Variants in ZNG1A observed in about 807,000 individuals in gnomAD.
ZNG1A encodes zinc-regulated GTPase metalloprotein activator 1A.
chr9:155,865 G>A, the ZNG1A span, among the ~76,000 whole-genome samples: 1 of 149,886 alleles, frequency 6.7e-6, no homozygotes, highest in Non-Finnish European at 1.5e-5. Context: ...AGCACTTTGG[G>A]AGGCCGAGGC....
chr9:145,522 G>A, the ZNG1A span, among the ~76,000 whole-genome samples: 3 of 132,824 alleles, frequency 2.3e-5, no homozygotes, highest in African/African-American at 8.5e-5. Context: ...CACAGGAAGG[G>A]GAACATCACA....
At chr9:135,474 A>G in the ZNG1A span, among the ~76,000 whole-genome samples, 1 of 93,364 alleles carries the variant, frequency 1.1e-5, no homozygotes, top group African/African-American at 5.8e-5. Context: ...TCCTTTATCA[A>G]TGTTTTCCCT....
chr9:177,756 GT>G, the ZNG1A span: 5 of 1,538,254 alleles, frequency 3.3e-6, no homozygotes, highest in African/African-American at 7.0e-5. Context: ...CGAGCGGCAC[GT>G]TTGAAATACA....
the ZNG1A span, among the ~76,000 whole-genome samples, chr9:128,971 G>C: frequency 6.6e-6 from 1 of 151,878 alleles, no homozygotes; most frequent in African/African-American, 2.4e-5. Flanking sequence ...CACCCAGCAA[G>C]TCTACCAGGC....
At chr9:145,465 G>A in the ZNG1A span, among the ~76,000 whole-genome samples, 395 of 146,896 alleles carry the variant, frequency 2.7e-3, 3 homozygotes, top group African/African-American at 9.3e-3. Context: ...ACCAAACACC[G>A]CATATTCTCA....
At chr9:163,973 C>T in the ZNG1A span, 1 of 1,589,558 alleles carries the variant, frequency 6.3e-7, no homozygotes, top group Admixed American at 1.8e-5. Flanking sequence ...TGTTTTTTAA[C>T]TTACCATCAA....
chr9:160,902 G>A, the ZNG1A span, among the ~76,000 whole-genome samples: 1 of 150,904 alleles, frequency 6.6e-6, no homozygotes, highest in African/African-American at 2.5e-5. Flanking sequence ...CAAGAAATAT[G>A]ATTTCCAACA....
chr9:126,925 T>G, the ZNG1A span, among the ~76,000 whole-genome samples: 2 of 152,164 alleles, frequency 1.3e-5, no homozygotes, highest in Non-Finnish European at 1.5e-5. Flanking sequence ...CATTTCCATC[T>G]TGATTTCATC....
the ZNG1A span, among the ~76,000 whole-genome samples, chr9:159,731 T>G: frequency 1.7e-4 from 26 of 151,414 alleles, no homozygotes; most frequent in Non-Finnish European, 1.0e-4. Context: ...TAAAACCCAC[T>G]GGCTATGAAA....
At chr9:153,529 G>C in the ZNG1A span, 1 of 148,106 alleles carries the variant, frequency 6.8e-6, no homozygotes, top group African/African-American at 2.5e-5. Context: ...GGGTAAATAA[G>C]CTCCCTAAGA....
At chr9:156,543 T>C in the ZNG1A span, 17 of 1,595,586 alleles carry the variant, frequency 1.1e-5, no homozygotes, top group South Asian at 4.4e-5. Flanking sequence ...CAAAAAAAAG[T>C]TGGAATAAAG....
chr9:141,652 G>C, the ZNG1A span, among the ~76,000 whole-genome samples: 2 of 151,174 alleles, frequency 1.3e-5, no homozygotes, highest in Non-Finnish European at 2.9e-5. Flanking sequence ...AAAATAACCA[G>C]CTAACATCAT....
At chr9:168,365 A>G in the ZNG1A span, among the ~76,000 whole-genome samples, 2 of 151,852 alleles carry the variant, frequency 1.3e-5, no homozygotes, top group African/African-American at 2.4e-5. Flanking sequence ...CCATTCTCCT[A>G]CCTCAGCCTC....
the ZNG1A span, chr9:120,953 T>C: frequency 6.1e-6 from 1 of 165,226 alleles, no homozygotes; most frequent in East Asian, 1.8e-4. Context: ...GAGCACAGTA[T>C]GAAATGGGGG....
chr9:137,957 A>T, the ZNG1A span, among the ~76,000 whole-genome samples: 1 of 120,034 alleles, frequency 8.3e-6, no homozygotes, highest in Non-Finnish European at 1.7e-5. Flanking sequence ...AGATTTCACA[A>T]CTTTGTACAG....
the ZNG1A span, among the ~76,000 whole-genome samples, chr9:139,477 T>C: frequency 1.3e-5 from 2 of 151,060 alleles, no homozygotes; most frequent in East Asian, 3.9e-4. Flanking sequence ...TACTGTATTG[T>C]ACACTTAAAA....
At chr9:147,878 T>C in the ZNG1A span, 1 of 147,744 alleles carries the variant, frequency 6.8e-6, no homozygotes, top group Non-Finnish European at 1.5e-5. Context: ...ATACAAAAAT[T>C]AGCTGGGTGT....
the ZNG1A span, among the ~76,000 whole-genome samples, chr9:124,887 A>T: frequency 1.2e-4 from 18 of 150,370 alleles, no homozygotes; most frequent in Non-Finnish European, 2.7e-4. Context: ...CCATTAATTC[A>T]CTCCTTTTTA....
the ZNG1A span, among the ~76,000 whole-genome samples, chr9:155,413 T>C: frequency 6.6e-6 from 1 of 151,746 alleles, no homozygotes; most frequent in African/African-American, 2.4e-5. Flanking sequence ...ATAGCAAGAC[T>C]CCATTTCTTA....
Sources: gnomAD v4.1 joint callset for allele counts (sites outside exome capture counted in the v4.1 genomes callset) on GRCh38, gnomAD v4.1.1 for gene constraint, MANE v1.5 for transcripts, NCBI Gene and HGNC (gene_info 2026-07-23, HGNC 2026-07-21) for gene names.